The following VPS41 variants were observed in gnomAD, a reference collection of about 807,000 sequenced individuals.
VPS41 encodes the protein VPS41 subunit of HOPS complex, also known as vacuolar protein sorting-associated protein 41 homolog.
Under a neutral mutation model 130.9 loss-of-function variants are expected in VPS41, and 85 were observed. The observed-to-expected ratio is 0.65, with a 90% CI of 0.55 to 0.78. The LOEUF is 0.78. Among genes scored for constraint, VPS41 ranks in the 30% least tolerant of loss-of-function variants. The pLI, the probability that VPS41 is intolerant of heterozygous loss-of-function variation, is 0.00. For synonymous variants in VPS41, 335 were observed against 332.9 expected (o/e 1.01, Z -0.07); for missense variants, 874 against 1,018.7 (o/e 0.86, Z 1.93).
chr7:38,758,216 T>A (rs1482692191), intron 18 of VPS41, 138 bp downstream of exon 18: 1 of 726,380 alleles, frequency 1.4e-6, no homozygotes, highest in Non-Finnish European at 2.2e-6. Context: ...TTGAGGTTTA[T>A]GAGAGGTTTT....
intron 2 of VPS41, among the ~76,000 whole-genome samples, chr7:38,874,673 C>A (rs1411876100): frequency 1.3e-5 from 2 of 152,132 alleles, no homozygotes; most frequent in Admixed American, 1.3e-4. Flanking sequence ...AATTCACACA[C>A]AAACACACAC....
At chr7:38,770,098 C>T (rs768991966) in intron 14 of VPS41, among the ~76,000 whole-genome samples, 2 of 151,982 alleles carry the variant, frequency 1.3e-5, no homozygotes, top group Non-Finnish European at 2.9e-5. Flanking sequence ...GGAGAAGTCC[C>T]GTCTCTACTA....
At chr7:38,821,391 T>C (rs1785168840) in intron 5 of VPS41, 126 bp from the exon 6 acceptor site, 1 of 658,706 alleles carries the variant, frequency 1.5e-6, no homozygotes. Context: ...CCGTGACCTC[T>C]ATTAAATATC....
Position 38,796,868 on chromosome 7 carries a change from G to A in VPS41, c.451-4C>T, listed in dbSNP as rs1451867740. The A allele has an allele frequency of 6.2e-7, 1 of 1,613,640 alleles. No homozygotes were observed. Among genetic ancestry groups the A allele is most frequent in the Non-Finnish European group, 8.5e-7 (1 of 1,179,752 alleles). On this transcript the variant is annotated splice_region_variant and splice_polypyrimidine_tract_variant and intron_variant, in intron 7 of 28. Transcript: ENST00000310301. ...AAGACCGTTCAAACAGTAGCAGCTA[G>A]GGACAAAAAGCATAAACAAAGAATC...
chr7:38,899,954 C>T (rs1164625317), intron 1 of VPS41, among the ~76,000 whole-genome samples: 1 of 151,988 alleles, frequency 6.6e-6, no homozygotes, highest in Non-Finnish European at 1.5e-5. Context: ...TTCATTAAAA[C>T]AAAAACATCT....
chr7:38,889,587 A>T (rs577736101), intron 2 of VPS41, among the ~76,000 whole-genome samples: 83 of 151,844 alleles, frequency 5.5e-4, no homozygotes, highest in African/African-American at 1.9e-3. Flanking sequence ...TTAAAACTGA[A>T]GGGAAGATAA....
chr7:38,765,721 C>T, intron 15 of VPS41, 60 bp from the exon 16 acceptor site: 1 of 1,100,818 alleles, frequency 9.1e-7, no homozygotes, highest in Non-Finnish European at 1.3e-6. Context: ...AAAAAACAAA[C>T]AGAGACAGAA....
intron 7 of VPS41, among the ~76,000 whole-genome samples, chr7:38,810,091 T>C (rs555187761): frequency 6.7e-6 from 1 of 149,490 alleles, no homozygotes; most frequent in Non-Finnish European, 1.5e-5. Context: ...TTTTAAGAGA[T>C]GTGCTTTCTC....
Position 38,772,607 on chromosome 7 carries a change from A to G in VPS41, c.1043T>C (p.Ile348Thr). 1 of 1,613,424 alleles carries G rather than the reference A, an allele frequency of 6.2e-7. No homozygotes were observed. The highest frequency in any genetic ancestry group is 1.3e-5 in the African/African-American group (1 of 75,028). ...EYSEGESLFYIVSPRDVVVAK... is the reference protein window; with the variant it reads ...EYSEGESLFYTVSPRDVVVAK... ...CACTACAACATCTCTCGGACTCACG[A>G]TGTAAAAAAGTGATTCCCCTTCAGA... is the stretch of plus-strand genomic sequence containing the variant. Residue 348 changes from isoleucine (I) to threonine (T), a missense_variant, in exon 13 of 29, where the codon ATC (isoleucine) becomes ACC (threonine). By Grantham distance (89) the Ile-to-Thr change is moderately conservative. Coordinates refer to ENST00000310301, the MANE Select transcript of VPS41 (RefSeq NM_014396.4).
chr7:38,859,466 T>C (rs1368827125), intron 4 of VPS41, among the ~76,000 whole-genome samples: 1 of 152,130 alleles, frequency 6.6e-6, no homozygotes. Flanking sequence ...CCTGTACAGA[T>C]GTATCATTTG....
chr7:38,796,574 CA>C (rs1784624941), intron 8 of VPS41, 170 bp downstream of exon 8: 4 of 959,268 alleles, frequency 4.2e-6, no homozygotes, highest in Non-Finnish European at 6.4e-6. Context: ...TTATGAAAGC[CA>C]AAAGCAATCT....
At position 38,841,204 on chromosome 7, in the gene VPS41, C is replaced by G. The variant is rs558553150; in HGVS notation, c.247-10876G>C. 3.3e-5 allele frequency among the ~76,000 whole-genome samples: 5 copies of G among 152,332 alleles called. No individual in the cohort carries two copies. In the South Asian group the frequency reaches 1.0e-3, roughly 32 times the overall value. Reference sequence around the variant, plus strand: ...TTTAAACTGCATCACAGTCATTCAACCAACAAAGAAGCCTGGCTGGCCAGC... The same window carrying G: ...TTTAAACTGCATCACAGTCATTCAAGCAACAAAGAAGCCTGGCTGGCCAGC... On this transcript the variant is annotated intron_variant, in intron 4 of 28. Coordinates refer to ENST00000310301, the MANE Select transcript of VPS41 (RefSeq NM_014396.4).
rs867911781 is a variant in VPS41 at position 38,728,862 on chromosome 7, C to A, written c.2260-71G>T. On this transcript the variant is annotated intron_variant, in intron 25 of 28. Coordinates refer to ENST00000310301, the MANE Select transcript of VPS41 (RefSeq NM_014396.4). ...ATCTGAGGGGTGAAGGGACACTGTA[C>A]TGGGGATTCCAAAAGCTGGCATGCT... 1.1e-5 allele frequency: 15 copies of A among 1,346,276 alleles called. 1 individual carries two copies. The Middle Eastern group carries it at 2.6e-3, about 230-fold the overall frequency. 83.4% of individuals were successfully genotyped at this position (1,346,276 alleles called of 1,614,324 possible).
intron 7 of VPS41, among the ~76,000 whole-genome samples, chr7:38,814,534 C>A (rs937878587): frequency 2.6e-5 from 4 of 152,082 alleles, no homozygotes; most frequent in Non-Finnish European, 5.9e-5. Context: ...CCTGTAGTCC[C>A]AGCTACTCGG....
chr7:38,908,758 C>G (rs1301980799), intron 1 of VPS41, among the ~76,000 whole-genome samples: 1 of 152,236 alleles, frequency 6.6e-6, no homozygotes, highest in Non-Finnish European at 1.5e-5. Flanking sequence ...ATCGTCTACT[C>G]TCTCCTAGTT....
chr7:38,740,095 T>C (rs2115620921), intron 25 of VPS41, among the ~76,000 whole-genome samples: 1 of 152,320 alleles, frequency 6.6e-6, no homozygotes. Flanking sequence ...TTGCGGAGGC[T>C]GGCGAAAAAG....
intron 4 of VPS41, among the ~76,000 whole-genome samples, chr7:38,840,694 A>C (rs1785590953): frequency 6.6e-6 from 1 of 152,246 alleles, no homozygotes; most frequent in Non-Finnish European, 1.5e-5. Flanking sequence ...GTAATGCAAA[A>C]TAAACATTAA....
At chr7:38,790,212 G>GT (rs1191120856) in intron 9 of VPS41, among the ~76,000 whole-genome samples, 1 of 152,084 alleles carries the variant, frequency 6.6e-6, no homozygotes, top group South Asian at 2.1e-4. Flanking sequence ...ACCATTAACT[G>GT]TAACTATGGT....
intron 3 of VPS41, among the ~76,000 whole-genome samples, chr7:38,868,612 T>C (rs1786279736): frequency 6.6e-6 from 1 of 152,186 alleles, no homozygotes; most frequent in South Asian, 2.1e-4. Context: ...GTACTTACCC[T>C]GGACTCAGAA....
Sources: gnomAD v4.1 joint callset for allele counts (sites outside exome capture counted in the v4.1 genomes callset) on GRCh38, gnomAD v4.1.1 for gene constraint, MANE v1.5 for transcripts, NCBI Gene and HGNC (gene_info 2026-07-23, HGNC 2026-07-21) for gene names.